The following MMAB variants were observed in gnomAD, a reference collection of about 807,000 sequenced individuals.
The protein encoded by MMAB is metabolism of cobalamin associated B.
A neutral mutation model predicts 30.6 loss-of-function variants in MMAB; 17 were observed. The ratio of observed to expected loss-of-function variants is 0.56; its 90% CI spans 0.38 to 0.83. The LOEUF is 0.83. Ranked by LOEUF, MMAB falls within the 40% of genes least tolerant of loss-of-function variation. The probability of loss-of-function intolerance (pLI) is 0.00; values close to 1 mark genes in which losing one functional copy is unlikely to be tolerated. For missense variants in MMAB, 311 were observed against 331.6 expected, an observed-to-expected ratio of 0.94 and a Z score of 0.48; for synonymous variants, 134 against 138.6, an observed-to-expected ratio of 0.97 and a Z score of 0.23.
chr12:109,566,862 C>T lies in MMAB; in HGVS notation c.291-1686G>A, dbSNP rs369454158. 8.5e-4 allele frequency: 352 copies of T among 415,054 alleles called. 4 individuals are homozygous for T. The highest frequency in any genetic ancestry group is 6.3e-3 in the African/African-American group (310 of 49,192). The allele number at this position is 415,054 out of a possible 1,614,324, so 25.7% of individuals were successfully genotyped here. On this transcript the variant is annotated intron_variant, in intron 3 of 8. Transcript: ENST00000545712. ...TTAGAGCTCATTAGAATAGCTGATG[C>T]GAGAACTGGCCTTTTCTCCCTTTGC...
chr12:109,572,668 C>T (rs951248984), intron 1 of MMAB, among the ~76,000 whole-genome samples: 1 of 152,076 alleles, frequency 6.6e-6, no homozygotes, highest in Non-Finnish European at 1.5e-5. Context: ...TGATCCTCTG[C>T]CTCAGCCTCC....
rs756806333 is a variant in MMAB at position 109,556,926 on chromosome 12, C to T, written c.*102G>A. ...TGGGACAAAAGGCTGCTTTGAGCCT[C>T]TCTGGGTGAGCTCTTCAGGAACCAG... On this transcript the variant is annotated 3_prime_UTR_variant, in exon 9 of 9. Coordinates refer to ENST00000545712, the MANE Select transcript of MMAB (RefSeq NM_052845.4). The T allele has an allele frequency of 1.4e-5, 11 of 782,622 alleles. No homozygotes were observed. The highest frequency in any genetic ancestry group is 2.0e-5 in the Non-Finnish European group (9 of 445,822). 48.5% of individuals were successfully genotyped at this position (782,622 alleles called of 1,614,324 possible).
intron 4 of MMAB, 199 bp downstream of exon 4, chr12:109,564,920 A>G: frequency 1.5e-6 from 1 of 678,244 alleles, no homozygotes; most frequent in Non-Finnish European, 2.7e-6. Context: ...TTCCTGCCTC[A>G]GTCTCCCAAG....
chr12:109,556,998 GGATCCTCCAAGCTCCCACTTTCTGT>G lies in MMAB; in HGVS notation c.*5_*29del. ...TCTCTCCACGGCCATCGCCATGGAG[GGATCCTCCAAGCTCCCACTTTCTGT>G]GATTTCAGAGTCCCTCAGACTCGGC... On this transcript the variant is annotated 3_prime_UTR_variant, in exon 9 of 9. Transcript: ENST00000545712. 6.9e-7 allele frequency: 1 copy of G among 1,456,886 alleles called. No homozygotes were observed. Among genetic ancestry groups the G allele is most frequent in the Non-Finnish European group, 9.6e-7 (1 of 1,037,876 alleles). 90.2% of individuals were successfully genotyped at this position (1,456,886 alleles called of 1,614,324 possible). A position where few individuals can be genotyped will look rare whatever the true frequency, so the allele number is the denominator to read the frequency against.
chr12:109,568,878 G>A lies in MMAB; in HGVS notation c.197-15C>T. ...ACTAGAAAACCCTGTGGAAAAAAAT[G>A]TTTAGCCACCCAAATTAAGATTCTG... On this transcript the variant is annotated splice_polypyrimidine_tract_variant and intron_variant, in intron 2 of 8. Coordinates refer to ENST00000545712, the MANE Select transcript of MMAB (RefSeq NM_052845.4). The A allele has an allele frequency of 6.4e-7, 1 of 1,572,112 alleles. No homozygotes were observed. The highest frequency in any genetic ancestry group is 8.8e-7 in the Non-Finnish European group (1 of 1,142,268).
At chr12:109,559,252 C>T (rs1018446225) in intron 7 of MMAB, 97 bp from the exon 8 acceptor site, 7 of 913,610 alleles carry the variant, frequency 7.7e-6, no homozygotes, top group Middle Eastern at 2.1e-4. Flanking sequence ...ATCCTGCCAC[C>T]GCTCAACCTG....
rs1566139298 is a variant in MMAB, at chr12:109,573,426, G to C, written c.55C>G (p.Arg19Gly). Residue 19 changes from arginine to glycine, a missense_variant, in exon 1 of 9, where the codon CGC (arginine) becomes GGC (glycine). Coordinates refer to ENST00000545712, the MANE Select transcript of MMAB (RefSeq NM_052845.4). ...RLGLGSRLGL[R>G]GCFGAARLLY... ...AGCCTGGCGGCGCCGAAGCACCCGC[G>C]CAGGCCAAGACGGCTCCCCAGGCCA... 4.4e-6 allele frequency: 7 copies of C among 1,607,352 alleles called. No homozygotes were observed. In the South Asian group the frequency reaches 7.7e-5, roughly 18 times the overall value.
intron 2 of MMAB, among the ~76,000 whole-genome samples, chr12:109,570,581 T>A (rs1252802191): frequency 6.6e-6 from 1 of 152,146 alleles, no homozygotes; most frequent in Non-Finnish European, 1.5e-5. Context: ...AAAAATGGTA[T>A]ACTGTCTTGG....
In MMAB at chr12:109,556,747, A is replaced by T. The variant is rs1883990278; in HGVS notation, c.*281T>A. On this transcript the variant is annotated 3_prime_UTR_variant, in exon 9 of 9. Transcript: ENST00000545712. ...TTTCCGCACAGCTCCTTCTCATTGC[A>T]GCAATCACTTTACCTGTCTTTCCTG... 1.8e-6 allele frequency: 1 copy of T among 552,140 alleles called. No individual in the cohort carries two copies. Among genetic ancestry groups the T allele is most frequent in the Non-Finnish European group, 3.4e-6 (1 of 290,594 alleles). 34.2% of individuals were successfully genotyped at this position (552,140 alleles called of 1,614,324 possible).
chr12:109,571,786 A>G, intron 1 of MMAB, 76 bp from the exon 2 acceptor site: 1 of 1,279,954 alleles, frequency 7.8e-7, no homozygotes, highest in South Asian at 1.2e-5. Flanking sequence ...AGAGGGTCCC[A>G]GCTTGCTGCT....
Position 109,556,193 on chromosome 12 carries a change from C to T in MMAB, c.*835G>A, listed in dbSNP as rs1191604903. 6.6e-6 allele frequency: 3 copies of T among 453,960 alleles called. No homozygotes were observed. The highest frequency in any genetic ancestry group is 6.0e-5 in the African/African-American group (3 of 49,992). 28.1% of individuals were successfully genotyped at this position (453,960 alleles called of 1,614,324 possible). A position where few individuals can be genotyped will look rare whatever the true frequency, so the allele number is the denominator to read the frequency against. On this transcript the variant is annotated 3_prime_UTR_variant, in exon 9 of 9. Transcript: ENST00000545712. The stretch of plus-strand genomic sequence containing the variant: ...CACCGATCTCAGAGGCATAAGCCAG[C>T]CAAGTGCAACATCGGAGAAATCAGT...
rs780978569 is a variant in MMAB at position 109,553,844 on chromosome 12, C to G, written c.*3184G>C. Reference sequence around the variant, plus strand: ...GCGATCATAAAACTGAATGGGCTGTCGGAAGGTGTCGAGGCAGCAGCAAGG... The same window carrying G: ...GCGATCATAAAACTGAATGGGCTGTGGGAAGGTGTCGAGGCAGCAGCAAGG... On this transcript the variant is annotated 3_prime_UTR_variant, in exon 9 of 9. Coordinates refer to ENST00000545712, the MANE Select transcript of MMAB (RefSeq NM_052845.4). The G allele has an allele frequency of 3.5e-5, 16 of 453,842 alleles. No homozygotes were observed. Among genetic ancestry groups the G allele is most frequent in the South Asian group, 4.7e-5 (3 of 64,476 alleles). The allele number at this position is 453,842 out of a possible 1,614,324, so 28.1% of individuals were successfully genotyped here.
rs781192659 is a variant in MMAB at position 109,559,173 on chromosome 12, A to G, written c.585-18T>C. Reference sequence around the variant, plus strand: ...GCACCACACTAGAAAGGGAGGAGACACTGAGTCACGTGACATTATGGGGCT... The same window carrying G: ...GCACCACACTAGAAAGGGAGGAGACGCTGAGTCACGTGACATTATGGGGCT... On this transcript the variant is annotated intron_variant, in intron 7 of 8. Coordinates refer to ENST00000545712, the MANE Select transcript of MMAB (RefSeq NM_052845.4). 1.2e-5 allele frequency: 19 copies of G among 1,605,866 alleles called. 1 individual carries two copies. The Admixed American group carries it at 2.3e-4, about 20-fold the overall frequency.
intron 3 of MMAB, 69 bp downstream of exon 3, chr12:109,568,701 C>A (rs560890899): frequency 5.7e-5 from 69 of 1,208,482 alleles, no homozygotes; most frequent in South Asian, 1.9e-4. Flanking sequence ...TGCGTGAGAG[C>A]TTCACATTCA....
In MMAB at chr12:109,556,648, T is replaced by TCACA. The variant is rs67024670; in HGVS notation, c.*376_*379dup. On this transcript the variant is annotated 3_prime_UTR_variant, in exon 9 of 9. Transcript: ENST00000545712. ...GAGCTGGCAGTGGGAGGGCTCTCTCTCACACACACACACACACACACACAC... is the reference window on the plus strand; with the variant it reads ...GAGCTGGCAGTGGGAGGGCTCTCTCTCACACACACACACACACACACACACACAC... The TCACA allele has an allele frequency of 0.028, 9,025 of 326,652 alleles. 49 individuals are homozygous for TCACA. The highest frequency in any genetic ancestry group is 0.084 in the East Asian group (1,004 of 12,014). 20.2% of individuals were successfully genotyped at this position (326,652 alleles called of 1,614,324 possible). A position where few individuals can be genotyped will look rare whatever the true frequency, so the allele number is the denominator to read the frequency against.
rs1047443761 is a variant in MMAB, at chr12:109,561,514, T to C, written c.425A>G (p.Tyr142Cys). 2 of 1,548,592 alleles carry C rather than the reference T, an allele frequency of 1.3e-6. No individual in the cohort carries two copies. The highest frequency in any genetic ancestry group is 1.2e-5 in the South Asian group (1 of 84,014). The change falls in exon 6 of 9, where the codon TAT becomes TGT. Residue 142 changes from tyrosine to cysteine, a missense_variant. Physicochemically the swap from Tyr to Cys is radical, Grantham distance 194. Transcript: ENST00000545712. This position sits in a 1 kb window ranked among gnomAD's most constrained non-coding sequence, Gnocchi z 5.3. Reference sequence around the variant, plus strand: ...GATGGGCCCCGCCTTGAACGTGGTATACTCTGAGGAGCCAAGGAGCAGAGG... The same window carrying C: ...GATGGGCCCCGCCTTGAACGTGGTACACTCTGAGGAGCCAAGGAGCAGAGG... ...CSSAREAHLK[Y>C]TTFKAGPILE...
At chr12:109,564,961 C>A (rs978020581) in intron 4 of MMAB, 158 bp downstream of exon 4, 4 of 763,396 alleles carry the variant, frequency 5.2e-6, no homozygotes, top group South Asian at 2.7e-5. Flanking sequence ...AGCCACCATA[C>A]CTGGCCTGTC....
At chr12:109,572,040 T>A (rs1349038670) in intron 1 of MMAB, among the ~76,000 whole-genome samples, 1 of 152,206 alleles carries the variant, frequency 6.6e-6, no homozygotes, top group Admixed American at 6.5e-5. Context: ...ACAGGCATTA[T>A]CTTCTGGAAT....
In MMAB at chr12:109,556,648, T is replaced by TCTCACACACACACA. The variant is rs1555273916; in HGVS notation, c.*379_*380insTGTGTGTGTGTGAG. On this transcript the variant is annotated 3_prime_UTR_variant, in exon 9 of 9. Transcript: ENST00000545712. ...GAGCTGGCAGTGGGAGGGCTCTCTC[T>TCTCACACACACACA]CACACACACACACACACACACACAC... is the stretch of plus-strand genomic sequence containing the variant. 1 of 299,376 alleles carries TCTCACACACACACA rather than the reference T, an allele frequency of 3.3e-6. No homozygotes were observed. The highest frequency in any genetic ancestry group is 3.5e-5 in the Admixed American group (1 of 28,910). 18.5% of individuals were successfully genotyped at this position (299,376 alleles called of 1,614,324 possible). A position where few individuals can be genotyped will look rare whatever the true frequency, so the allele number is the denominator to read the frequency against.
Sources: allele counts gnomAD v4.1 joint callset (sites outside exome capture counted in the v4.1 genomes callset), GRCh38; gene constraint gnomAD v4.1.1; non-coding constraint Gnocchi (gnomAD v3.1); transcripts MANE v1.5; gene names NCBI Gene and HGNC (gene_info 2026-07-23, HGNC 2026-07-21).